The following KIAA1549 variants were observed in gnomAD, a reference collection of about 807,000 sequenced individuals.
KIAA1549 encodes KIAA1549, also known as UPF0606 protein KIAA1549.
In KIAA1549, 70 loss-of-function variants were observed where a neutral mutation model predicts 156.4. The observed-to-expected ratio is 0.45, with a 90% confidence interval of 0.37 to 0.55. KIAA1549 has a LOEUF of 0.55. KIAA1549 is among the 20% of genes least tolerant of loss of function. The pLI is 0.00. For synonymous variants in KIAA1549, 1,103 were observed against 1,066.4 expected (o/e 1.03, Z -0.67); for missense variants, 2,428 against 2,540.9 (o/e 0.96, Z 0.96).
At chr7:138,932,631 T>C (rs1203006559) in intron 1 of KIAA1549, among the ~76,000 whole-genome samples, 1 of 152,114 alleles carries the variant, frequency 6.6e-6, no homozygotes, top group Admixed American at 6.5e-5. Flanking sequence ...TGTAGAGAAA[T>C]CAGTTATGAG....
intron 18 of KIAA1549, among the ~76,000 whole-genome samples, chr7:138,840,875 A>C (rs1809896973): frequency 6.6e-6 from 1 of 151,958 alleles, no homozygotes; most frequent in Non-Finnish European, 1.5e-5. Context: ...ACACCCTGTC[A>C]GAAGACACTG....
At chr7:138,844,730 T>A (rs577958675) in intron 17 of KIAA1549, among the ~76,000 whole-genome samples, 1 of 152,222 alleles carries the variant, frequency 6.6e-6, no homozygotes, top group African/African-American at 2.4e-5. Flanking sequence ...GGCCTGCTCA[T>A]CTCCAGCATC....
At chr7:138,873,724 C>T (rs1811000549) in intron 12 of KIAA1549, among the ~76,000 whole-genome samples, 2 of 151,746 alleles carry the variant, frequency 1.3e-5, no homozygotes, top group Admixed American at 1.3e-4. Flanking sequence ...ACTGTAGTCA[C>T]GGCCCTTGCT....
At chr7:138,960,431 C>T (rs1813808210) in intron 1 of KIAA1549, among the ~76,000 whole-genome samples, 1 of 151,602 alleles carries the variant, frequency 6.6e-6, no homozygotes, top group Non-Finnish European at 1.5e-5. Flanking sequence ...GCCTCAGCCT[C>T]CCAAGTAGCT....
At chr7:138,904,236 C>T (rs547369013) in intron 7 of KIAA1549, among the ~76,000 whole-genome samples, 1 of 152,342 alleles carries the variant, frequency 6.6e-6, no homozygotes, top group Non-Finnish European at 1.5e-5. Context: ...AACAGACAAT[C>T]ACTTGCCAGT....
chr7:138,919,289 G>T lies in KIAA1549; in HGVS notation c.337C>A (p.Pro113Thr). ...GCTGTATCAAAAGTAGTGGCAGACGGCGGGGCTGTGACATGGAGAGGACTG... is the reference window on the plus strand; with the variant it reads ...GCTGTATCAAAAGTAGTGGCAGACGTCGGGGCTGTGACATGGAGAGGACTG... ...HSSPLHVTAP[P>T]SATTFDTAFF... The change falls in exon 2 of 20, where the codon CCG becomes ACG. Residue 113 changes from proline to threonine, a missense_variant. Physicochemically the swap from Pro to Thr is conservative, Grantham distance 38. Transcript: ENST00000422774. 6.2e-7 allele frequency: 1 copy of T among 1,614,010 alleles called. No individual in the cohort carries two copies. Among genetic ancestry groups the T allele is most frequent in the East Asian group, 2.2e-5 (1 of 44,868 alleles).
intron 1 of KIAA1549, among the ~76,000 whole-genome samples, chr7:138,951,294 C>T (rs1813490924): frequency 6.6e-6 from 1 of 152,168 alleles, no homozygotes. Context: ...GGTTCACGGA[C>T]ACTTCCCTCC....
intron 1 of KIAA1549, among the ~76,000 whole-genome samples, chr7:138,952,256 C>A (rs1419861524): frequency 6.6e-6 from 1 of 152,190 alleles, no homozygotes; most frequent in Non-Finnish European, 1.5e-5. Flanking sequence ...TGTGGCAAAG[C>A]TTTCAAAAAC....
chr7:138,951,397 G>A (rs1384007895), intron 1 of KIAA1549, among the ~76,000 whole-genome samples: 1 of 152,116 alleles, frequency 6.6e-6, no homozygotes, highest in Non-Finnish European at 1.5e-5. Context: ...CCTTGACTCT[G>A]CTGCCACCCT....
chr7:138,955,568 G>C lies in KIAA1549; in HGVS notation c.187+25515C>G, dbSNP rs376932105. ...GGATGGTGGTGACGATGGCACAGCA[G>C]GGTGAAAGTATATCATGGCATGAAA... On this transcript the variant is annotated intron_variant, in intron 1 of 19. Coordinates refer to ENST00000422774, the MANE Select transcript of KIAA1549 (RefSeq NM_001164665.2). 4.8e-4 allele frequency among the ~76,000 whole-genome samples: 71 copies of C among 148,842 alleles called. No individual in the cohort carries two copies. In the Middle Eastern group the frequency reaches 0.01, roughly 22 times the overall value.
chr7:138,978,540 G>A (rs528930474), intron 1 of KIAA1549, among the ~76,000 whole-genome samples: 19 of 152,110 alleles, frequency 1.2e-4, no homozygotes, highest in South Asian at 4.2e-4. Context: ...ACAAGAAATC[G>A]ATTTAACATA....
chr7:138,840,469 C>T (rs1265443339), intron 18 of KIAA1549, among the ~76,000 whole-genome samples, 191 bp from the exon 19 acceptor site: 1 of 151,856 alleles, frequency 6.6e-6, no homozygotes, highest in African/African-American at 2.4e-5. Context: ...TCCTGAGGGT[C>T]CCATAGGTAA....
chr7:138,977,431 T>G (rs1217718813), intron 1 of KIAA1549, among the ~76,000 whole-genome samples: 1 of 152,210 alleles, frequency 6.6e-6, no homozygotes, highest in Non-Finnish European at 1.5e-5. Flanking sequence ...TCAATGCCAG[T>G]GATGAAGTGA....
At position 138,904,708 on chromosome 7, in the gene KIAA1549, A is replaced by T. The variant is rs1035329179; in HGVS notation, c.3520+314T>A. On this transcript the variant is annotated intron_variant, in intron 7 of 19. Transcript: ENST00000422774. ...AAACAAATAACACTTTTAGAAAAAA[A>T]AAAATAAAACAAGAGAGAGATCCTT... Among the ~76,000 whole-genome samples, 13 of 152,142 alleles carry T rather than the reference A, an allele frequency of 8.5e-5. No individual in the cohort carries two copies. In the East Asian group the frequency reaches 1.2e-3, roughly 14 times the overall value.
chr7:138,861,868 C>G (rs186850335), intron 15 of KIAA1549, among the ~76,000 whole-genome samples: 69 of 151,832 alleles, frequency 4.5e-4, no homozygotes, highest in African/African-American at 1.5e-3. Flanking sequence ...GAGACCTTGT[C>G]TCAAAAAAAT....
Position 138,957,233 on chromosome 7 carries a change from G to A in KIAA1549, c.187+23850C>T, listed in dbSNP as rs189602593. On this transcript the variant is annotated intron_variant, in intron 1 of 19. Coordinates refer to ENST00000422774, the MANE Select transcript of KIAA1549 (RefSeq NM_001164665.2). ...CAATGAGGTAGGAGAGGGGAGAGGA[G>A]GAGGCTGTTGCAAATCAAGAAAAAC... Among the ~76,000 whole-genome samples, 6 of 152,164 alleles carry A rather than the reference G, an allele frequency of 3.9e-5. No homozygotes were observed. The East Asian group carries it at 1.2e-3, about 29-fold the overall frequency.
rs772969704 is a variant in KIAA1549 at position 138,871,240 on chromosome 7, C to T, written c.4468G>A (p.Ala1490Thr). ...RRVPSKIQLIAMQPIPAPPVQ... is the reference protein window; with the variant it reads ...RRVPSKIQLITMQPIPAPPVQ... The stretch of plus-strand genomic sequence containing the variant: ...GGAGGTGCCGGGATCGGCTGCATGG[C>T]GATAAGCTGGATCTTACTGGGGACC... The change falls in exon 13 of 20, where the codon GCC (alanine) becomes ACC (threonine). Residue 1490 changes from alanine (A) to threonine (T), a missense_variant. Ala to Thr is a moderately conservative substitution (Grantham distance 58, BLOSUM62 0). Coordinates refer to ENST00000422774, the MANE Select transcript of KIAA1549 (RefSeq NM_001164665.2). 3.1e-6 allele frequency: 5 copies of T among 1,612,778 alleles called. No homozygotes were observed. The Admixed American group carries it at 5.0e-5, about 16-fold the overall frequency.
chr7:138,975,108 G>A (rs55962673), intron 1 of KIAA1549, among the ~76,000 whole-genome samples: 3,087 of 152,264 alleles, frequency 0.02, 99 homozygotes, highest in African/African-American at 0.07. Flanking sequence ...AACAAGCTAC[G>A]AGGCAGTGGA....
intron 18 of KIAA1549, among the ~76,000 whole-genome samples, chr7:138,843,852 T>C (rs1442001734): frequency 1.3e-5 from 2 of 152,148 alleles, no homozygotes; most frequent in Non-Finnish European, 2.9e-5. Context: ...AAAACCATAA[T>C]GAAAAAATAT....
Sources: allele counts gnomAD v4.1 joint callset (sites outside exome capture counted in the v4.1 genomes callset), GRCh38; gene constraint gnomAD v4.1.1; transcripts MANE v1.5; gene names NCBI Gene and HGNC (gene_info 2026-07-23, HGNC 2026-07-21).